The following CTSO variants were observed in gnomAD, a reference collection of about 807,000 sequenced individuals.
CTSO encodes the protein cathepsin O.
Under a neutral mutation model 42.4 loss-of-function variants are expected in CTSO, and 40 were observed. That is an observed-to-expected ratio of 0.94 (90% CI 0.73 to 1.23). The LOEUF (loss-of-function observed/expected upper bound fraction) is 1.23, where lower values mean the gene tolerates loss of function less well. CTSO is among the 50% of genes most tolerant of loss of function. The pLI is 0.00. For synonymous variants in CTSO, 156 were observed against 146.2 expected (o/e 1.07, Z -0.48); for missense variants, 441 against 396.0 (o/e 1.11, Z -0.96).
intron 5 of CTSO, among the ~76,000 whole-genome samples, chr4:155,933,590 G>A (rs1743273549): frequency 6.6e-6 from 1 of 152,182 alleles, no homozygotes. Flanking sequence ...ACTTCCTAGA[G>A]ACTTGTCGAA....
At position 155,926,189 on chromosome 4, in the gene CTSO, G is replaced by A. The variant is rs1048803549; in HGVS notation, c.932-119C>T. ...GTATCTACTGAGAAAATAATGTAAT[G>A]CTTATCACAGCTTGTCAATGTAAAC... On this transcript the variant is annotated intron_variant, in intron 7 of 7. Coordinates refer to ENST00000433477, the MANE Select transcript of CTSO (RefSeq NM_001334.3). 2.8e-5 allele frequency: 18 copies of A among 641,852 alleles called. No individual in the cohort carries two copies. The Admixed American group carries it at 6.3e-4, about 22-fold the overall frequency. The allele number at this position is 641,852 out of a possible 1,614,324, so 39.8% of individuals were successfully genotyped here. A position where few individuals can be genotyped will look rare whatever the true frequency, so the allele number is the denominator to read the frequency against.
intron 5 of CTSO, 134 bp downstream of exon 5, chr4:155,937,228 T>C (rs532035398): frequency 3.5e-6 from 2 of 578,704 alleles, no homozygotes; most frequent in African/African-American, 1.9e-5. Flanking sequence ...TTGTAATTGC[T>C]ACTCTTTCTA....
At chr4:155,938,674 C>G (rs1327038283) in intron 4 of CTSO, among the ~76,000 whole-genome samples, 4 of 152,016 alleles carry the variant, frequency 2.6e-5, no homozygotes, top group Non-Finnish European at 4.4e-5. Context: ...TGTCTGTAAT[C>G]CCAGCACTTT....
intron 1 of CTSO, among the ~76,000 whole-genome samples, chr4:155,947,062 G>C (rs989750872): frequency 1.3e-5 from 2 of 151,956 alleles, no homozygotes; most frequent in South Asian, 2.1e-4. Context: ...AGGTTTCACC[G>C]TGTTAGCCAG....
At position 155,937,485 on chromosome 4, in the gene CTSO, T is replaced by C; in HGVS notation, c.553-2A>G. ...ATCTTTCACCAGTTTTACTTGCATC[T>C]AAAAGAAAACAATCACTGAACATGT... On this transcript the variant is annotated splice_acceptor_variant, in intron 4 of 7. Transcript: ENST00000433477. LOFTEE classifies it high-confidence loss of function. The C allele has an allele frequency of 3.7e-6, 6 of 1,612,150 alleles. No individual in the cohort carries two copies. Among genetic ancestry groups the C allele is most frequent in the Non-Finnish European group, 5.1e-6 (6 of 1,178,796 alleles).
chr4:155,951,913 C>A (rs1264213651), intron 1 of CTSO, among the ~76,000 whole-genome samples: 2 of 152,096 alleles, frequency 1.3e-5, no homozygotes, highest in Non-Finnish European at 2.9e-5. Flanking sequence ...TCCCTCCTCC[C>A]GTCCATGGAA....
chr4:155,943,058 AT>A (rs1158137445), intron 2 of CTSO, 97 bp downstream of exon 2: 1 of 740,066 alleles, frequency 1.4e-6, no homozygotes, highest in African/African-American at 1.8e-5. Context: ...AATGTTAACT[AT>A]TACTCAATAT....
chr4:155,933,888 A>C (rs1405923425), intron 5 of CTSO, among the ~76,000 whole-genome samples: 1 of 152,228 alleles, frequency 6.6e-6, no homozygotes, highest in Non-Finnish European at 1.5e-5. Context: ...AAAACAGAGC[A>C]TAAAAGTTCA....
intron 6 of CTSO, 49 bp from the exon 7 acceptor site, chr4:155,928,477 A>G (rs1250228793): frequency 1.5e-6 from 2 of 1,316,288 alleles, no homozygotes; most frequent in Non-Finnish European, 2.2e-6. Flanking sequence ...CAAATTTGTT[A>G]TGAATGTTTA....
Position 155,925,578 on chromosome 4 carries a change from C to T in CTSO, c.*458G>A. ...CTAATATAACTAACTGTACAAGACA[C>T]ACATAATTTTAGGTTGGCCATTCTT... On this transcript the variant is annotated 3_prime_UTR_variant, in exon 8 of 8. Coordinates refer to ENST00000433477, the MANE Select transcript of CTSO (RefSeq NM_001334.3). 6.2e-6 allele frequency: 1 copy of T among 160,236 alleles called. No homozygotes were observed. The highest frequency in any genetic ancestry group is 1.4e-5 in the Non-Finnish European group (1 of 73,934). 9.9% of individuals were successfully genotyped at this position (160,236 alleles called of 1,614,324 possible). A position where few individuals can be genotyped will look rare whatever the true frequency, so the allele number is the denominator to read the frequency against.
Position 155,939,510 on chromosome 4 carries a change from A to C in CTSO, c.413T>G (p.Val138Gly). 1 of 1,613,930 alleles carries C rather than the reference A, an allele frequency of 6.2e-7. No homozygotes were observed. The highest frequency in any genetic ancestry group is 8.5e-7 in the Non-Finnish European group (1 of 1,179,884). Residue 138 changes from valine (V) to glycine (G), a missense_variant, in exon 4 of 8, where the codon GTG becomes GGG. By Grantham distance (109) the Val-to-Gly change is moderately radical. Transcript: ENST00000433477. ...MCGGCWAFSV[V>G]GAVESAYAIK... ...TGCATAAGCAGATTCCACTGCCCCC[A>C]CCACGCTGAAGGCCCAGCATCCTCC...
At chr4:155,927,659 C>T (rs1024622286) in intron 7 of CTSO, among the ~76,000 whole-genome samples, 1 of 152,028 alleles carries the variant, frequency 6.6e-6, no homozygotes, top group African/African-American at 2.4e-5. Flanking sequence ...TCTGTAGTCC[C>T]AGCTACTCAG....
chr4:155,933,241 G>A (rs1274325278), intron 5 of CTSO, among the ~76,000 whole-genome samples: 1 of 152,150 alleles, frequency 6.6e-6, no homozygotes, highest in Non-Finnish European at 1.5e-5. Flanking sequence ...TAAGTCTCAT[G>A]AGATCTGATG....
chr4:155,948,413 G>C (rs977249034), intron 1 of CTSO, among the ~76,000 whole-genome samples: 5 of 151,870 alleles, frequency 3.3e-5, no homozygotes, highest in African/African-American at 1.2e-4. Flanking sequence ...ATGTGTACTG[G>C]AGGTGATCAC....
At chr4:155,928,288 T>A in intron 7 of CTSO, 48 bp downstream of exon 7, 4 of 1,322,416 alleles carry the variant, frequency 3.0e-6, no homozygotes, top group Non-Finnish European at 3.2e-6. Context: ...ATTCAAATAA[T>A]CTCCTTAATA....
intron 5 of CTSO, among the ~76,000 whole-genome samples, chr4:155,931,476 G>C (rs1022948766): frequency 6.6e-6 from 1 of 152,082 alleles, no homozygotes; most frequent in African/African-American, 2.4e-5. Context: ...GCTGAAAAAA[G>C]ATATCAAAGA....
intron 4 of CTSO, among the ~76,000 whole-genome samples, chr4:155,938,657 T>C (rs745397282): frequency 1.3e-5 from 2 of 152,088 alleles, no homozygotes; most frequent in Non-Finnish European, 2.9e-5. Context: ...CTGGGTGTGG[T>C]GGCTCATGTC....
chr4:155,948,268 T>A (rs1332196794), intron 1 of CTSO, among the ~76,000 whole-genome samples: 2 of 152,136 alleles, frequency 1.3e-5, no homozygotes, highest in Non-Finnish European at 2.9e-5. Flanking sequence ...ACCTCTCAAA[T>A]TCATACCTAG....
chr4:155,950,370 C>T (rs1000462546), intron 1 of CTSO, among the ~76,000 whole-genome samples: 1 of 152,150 alleles, frequency 6.6e-6, no homozygotes, highest in African/African-American at 2.4e-5. Context: ...AAAACCCAGA[C>T]CAGTTCTTTA....
Sources: allele counts gnomAD v4.1 joint callset (sites outside exome capture counted in the v4.1 genomes callset), GRCh38; gene constraint gnomAD v4.1.1; transcripts MANE v1.5; gene names NCBI Gene and HGNC (gene_info 2026-07-23, HGNC 2026-07-21).